GALNT13: variants seen among roughly 807,000 people sequenced by gnomAD.
GALNT13 encodes the protein UDP-GalNAc:polypeptide N-acetylgalactosaminyltransferase 13.
A neutral mutation model predicts 64.2 loss-of-function variants in GALNT13; 28 were observed. That is an observed-to-expected ratio of 0.44 (90% CI 0.32 to 0.60). The LOEUF (loss-of-function observed/expected upper bound fraction) is 0.60, where lower values mean the gene tolerates loss of function less well. Ranked by LOEUF, GALNT13 falls within the 20% of genes least tolerant of loss-of-function variation. The pLI, the probability that GALNT13 is intolerant of heterozygous loss-of-function variation, is 0.05. For missense variants in GALNT13, 577 were observed against 669.8 expected (o/e 0.86, Z 1.53); for synonymous variants, 214 against 224.6 (o/e 0.95, Z 0.42).
the GALNT13 span, among the ~76,000 whole-genome samples, chr2:153,403,281 C>A: frequency 6.6e-6 from 1 of 151,498 alleles, no homozygotes; most frequent in Non-Finnish European, 1.5e-5. Flanking sequence ...GGCAGTCTGC[C>A]CGTTCTCAGA....
chr2:153,908,028 A>G (rs1450846834), intron 2 of GALNT13, among the ~76,000 whole-genome samples: 1 of 152,030 alleles, frequency 6.6e-6, no homozygotes, highest in African/African-American at 2.4e-5. Flanking sequence ...CCCACCAGCA[A>G]GCAGTGTGTA....
At position 154,181,839 on chromosome 2, in the gene GALNT13, T is replaced by G. The variant is rs1263048556; in HGVS notation, c.311+41334T>G. On this transcript the variant is annotated intron_variant, in intron 4 of 12. Coordinates refer to ENST00000392825, the MANE Select transcript of GALNT13 (RefSeq NM_052917.4). The stretch of plus-strand genomic sequence containing the variant: ...TTCGTCAGTTCCTTAGTATCTAAGC[T>G]AATATTACAAATGTCAAAGTCTACT... Among the ~76,000 whole-genome samples, 3 of 152,068 alleles carry G rather than the reference T, an allele frequency of 2.0e-5. No homozygotes were observed. In the East Asian group the frequency reaches 5.8e-4, roughly 29 times the overall value.
At chr2:154,032,970 T>C (rs1246109058) in intron 3 of GALNT13, among the ~76,000 whole-genome samples, 1 of 150,522 alleles carries the variant, frequency 6.6e-6, no homozygotes, top group African/African-American at 2.4e-5. Context: ...ATTTTCTACA[T>C]AGAAACCATT....
the GALNT13 span, among the ~76,000 whole-genome samples, chr2:153,171,009 T>A: frequency 1.3e-5 from 2 of 152,234 alleles, no homozygotes; most frequent in African/African-American, 4.8e-5. Context: ...TGTACACTTT[T>A]GTTTGTCTAC....
At chr2:153,950,026 C>T (rs1047324560) in intron 3 of GALNT13, among the ~76,000 whole-genome samples, 4 of 148,816 alleles carry the variant, frequency 2.7e-5, no homozygotes, top group Non-Finnish European at 5.9e-5. Context: ...TCTATAAGAC[C>T]TTGGAATAAA....
At chr2:153,126,329 T>TG in the GALNT13 span, among the ~76,000 whole-genome samples, 4 of 109,918 alleles carry the variant, frequency 3.6e-5, no homozygotes, top group Non-Finnish European at 5.8e-5. Context: ...TATATATATA[T>TG]ATATATATAT....
At chr2:154,174,575 C>T (rs1048256696) in intron 4 of GALNT13, among the ~76,000 whole-genome samples, 6 of 152,074 alleles carry the variant, frequency 3.9e-5, no homozygotes, top group Non-Finnish European at 7.4e-5. Context: ...TAAAATAATC[C>T]TTTCTAGTCA....
intron 9 of GALNT13, among the ~76,000 whole-genome samples, chr2:154,391,424 C>T (rs753350961): frequency 6.6e-6 from 1 of 152,126 alleles, no homozygotes; most frequent in Non-Finnish European, 1.5e-5. Context: ...CCCTAAGGCC[C>T]CCACTCCAGA....
the GALNT13 span, among the ~76,000 whole-genome samples, chr2:153,223,513 A>G: frequency 6.6e-6 from 1 of 152,232 alleles, no homozygotes; most frequent in Non-Finnish European, 1.5e-5. Flanking sequence ...AAACTAGAGA[A>G]CAATGAACAT....
At chr2:153,972,678 G>A (rs896013641) in intron 3 of GALNT13, among the ~76,000 whole-genome samples, 20 of 151,862 alleles carry the variant, frequency 1.3e-4, no homozygotes, top group African/African-American at 4.8e-4. Context: ...ATATAAAATA[G>A]TGTATTCATA....
chr2:154,157,107 C>A (rs756075214), intron 4 of GALNT13, among the ~76,000 whole-genome samples: 1 of 152,086 alleles, frequency 6.6e-6, no homozygotes, highest in Non-Finnish European at 1.5e-5. Flanking sequence ...CACTCCCCTC[C>A]CTCACACCTA....
chr2:153,448,614 C>T, the GALNT13 span, among the ~76,000 whole-genome samples: 92 of 152,234 alleles, frequency 6.0e-4, no homozygotes, highest in African/African-American at 2.0e-3. Flanking sequence ...TCACTCAATT[C>T]TTCTGTTCTT....
chr2:154,148,437 A>C (rs1683760612), intron 4 of GALNT13, among the ~76,000 whole-genome samples: 2 of 152,210 alleles, frequency 1.3e-5, no homozygotes, highest in South Asian at 4.1e-4. Context: ...TTGGGTATAT[A>C]ACCAGTAATG....
intron 9 of GALNT13, among the ~76,000 whole-genome samples, chr2:154,394,860 C>G (rs1698982971): frequency 6.6e-6 from 1 of 152,154 alleles, no homozygotes; most frequent in Admixed American, 6.5e-5. Context: ...AGAATGCTTT[C>G]TAATAACACT....
chr2:153,742,140 C>T, the GALNT13 span, among the ~76,000 whole-genome samples: 2 of 152,074 alleles, frequency 1.3e-5, no homozygotes, highest in Admixed American at 6.6e-5. Flanking sequence ...ACCCCAATCC[C>T]CAGCCTCTGT....
chr2:153,140,782 T>C, the GALNT13 span, among the ~76,000 whole-genome samples: 1 of 152,026 alleles, frequency 6.6e-6, no homozygotes, highest in Admixed American at 6.6e-5. Context: ...TTTCATTGAA[T>C]TCACCGAAAG....
chr2:153,073,350 A>G, the GALNT13 span, among the ~76,000 whole-genome samples: 1 of 152,048 alleles, frequency 6.6e-6, no homozygotes, highest in African/African-American at 2.4e-5. Flanking sequence ...TAAAAGGAAT[A>G]AAATTAATTC....
intron 2 of GALNT13, among the ~76,000 whole-genome samples, chr2:153,904,989 T>C (rs978412023): frequency 6.6e-6 from 1 of 151,928 alleles, no homozygotes; most frequent in Non-Finnish European, 1.5e-5. Flanking sequence ...GGAGCCAACT[T>C]CTATTTAATT....
the GALNT13 span, among the ~76,000 whole-genome samples, chr2:153,767,027 G>T: frequency 6.6e-6 from 1 of 152,052 alleles, no homozygotes; most frequent in Non-Finnish European, 1.5e-5. Context: ...GGTGGGGATT[G>T]GGCTTCTGGT....
Sources: allele counts gnomAD v4.1 joint callset (sites outside exome capture counted in the v4.1 genomes callset), GRCh38; gene constraint gnomAD v4.1.1; transcripts MANE v1.5; gene names NCBI Gene and HGNC (gene_info 2026-07-23, HGNC 2026-07-21).